PDE4D: variants seen among roughly 807,000 people sequenced by gnomAD.
PDE4D encodes the protein 3',5'-cyclic-AMP phosphodiesterase 4D.
PDE4D carries 24 observed loss-of-function variants against 87.4 expected under a neutral mutation model. That is an observed-to-expected ratio of 0.27 (90% CI 0.20 to 0.39). PDE4D has a LOEUF of 0.39. PDE4D is among the 10% of genes least tolerant of loss of function. The pLI is 1.00. For missense variants in PDE4D, 714 were observed against 1,041.0 expected (o/e 0.69, Z 4.32); for synonymous variants, 384 against 383.2 (o/e 1.00, Z -0.02).
At chr5:60,498,750 A>G (rs952015260) in intron 1 of PDE4D, among the ~76,000 whole-genome samples, 3 of 152,136 alleles carry the variant, frequency 2.0e-5, no homozygotes, top group Non-Finnish European at 4.4e-5. Context: ...TGTCTGTTCA[A>G]ATTTAGCCAA....
At chr5:60,366,964 T>G (rs1004753785) in intron 1 of PDE4D, among the ~76,000 whole-genome samples, 2 of 152,052 alleles carry the variant, frequency 1.3e-5, no homozygotes, top group Non-Finnish European at 2.9e-5. Flanking sequence ...AATAAGTGAG[T>G]GTCACACCAG....
chr5:59,338,926 T>C (rs1341494885), intron 1 of PDE4D, among the ~76,000 whole-genome samples: 2 of 152,230 alleles, frequency 1.3e-5, no homozygotes, highest in African/African-American at 2.4e-5. Context: ...GTAAGACATA[T>C]GTTATGAAAA....
intron 5 of PDE4D, among the ~76,000 whole-genome samples, chr5:59,129,884 C>T (rs1776029229): frequency 6.6e-6 from 1 of 152,106 alleles, no homozygotes; most frequent in Admixed American, 6.6e-5. Flanking sequence ...CCCTACCTTG[C>T]AGGGTTATTG....
chr5:59,919,880 G>C (rs1754479114), intron 3 of PDE4D, among the ~76,000 whole-genome samples: 1 of 152,164 alleles, frequency 6.6e-6, no homozygotes, highest in African/African-American at 2.4e-5. Flanking sequence ...GAAAGACAGA[G>C]CAGATGCTTT....
intron 1 of PDE4D, among the ~76,000 whole-genome samples, chr5:59,384,470 G>A (rs2153604622): frequency 6.6e-6 from 1 of 152,220 alleles, no homozygotes; most frequent in African/African-American, 2.4e-5. Context: ...GTCAGTTTCT[G>A]TACCAGAGTG....
chr5:59,633,568 A>T (rs1227972549), intron 1 of PDE4D, among the ~76,000 whole-genome samples: 1 of 152,202 alleles, frequency 6.6e-6, no homozygotes, highest in African/African-American at 2.4e-5. Flanking sequence ...GCCAGAAGAG[A>T]GTGGGGGCCA....
chr5:60,504,262 A>G (rs1477425840), intron 1 of PDE4D, among the ~76,000 whole-genome samples: 1 of 148,760 alleles, frequency 6.7e-6, no homozygotes, highest in Non-Finnish European at 1.5e-5. Context: ...GTCTTTATGC[A>G]TTTTTTTTTT....
At chr5:59,973,701 G>C (rs1214614858) in intron 3 of PDE4D, among the ~76,000 whole-genome samples, 1 of 152,048 alleles carries the variant, frequency 6.6e-6, no homozygotes, top group Admixed American at 6.6e-5. Context: ...TTCTTCTTAA[G>C]ACAAATGAAG....
chr5:60,266,445 C>G (rs1312004861), intron 1 of PDE4D, among the ~76,000 whole-genome samples: 3 of 152,192 alleles, frequency 2.0e-5, no homozygotes, highest in Admixed American at 2.0e-4. Flanking sequence ...TAGATAAGTG[C>G]TGGTGGGCAT....
At chr5:59,222,196 A>T (rs900715725) in intron 1 of PDE4D, among the ~76,000 whole-genome samples, 2 of 152,204 alleles carry the variant, frequency 1.3e-5, no homozygotes, top group Admixed American at 1.3e-4. Context: ...ATACAGTTCC[A>T]ATCTACCTTT....
At chr5:60,414,723 T>C (rs910906498) in intron 1 of PDE4D, among the ~76,000 whole-genome samples, 8 of 152,196 alleles carry the variant, frequency 5.3e-5, no homozygotes, top group African/African-American at 1.7e-4. Context: ...ATAAATATGG[T>C]AATAAGGAAT....
At chr5:59,535,565 C>A (rs1006258250) in intron 1 of PDE4D, among the ~76,000 whole-genome samples, 1 of 152,182 alleles carries the variant, frequency 6.6e-6, no homozygotes, top group African/African-American at 2.4e-5. Flanking sequence ...TATTTGGGCC[C>A]TGTTGTCAAC....
intron 5 of PDE4D, among the ~76,000 whole-genome samples, chr5:59,176,559 A>G (rs972498250): frequency 3.0e-5 from 3 of 99,822 alleles, no homozygotes; most frequent in Admixed American, 1.9e-4. Context: ...CTATCTCAAG[A>G]AAAAAAAAAA....
At chr5:60,401,765 T>C (rs1231412819) in intron 1 of PDE4D, among the ~76,000 whole-genome samples, 1 of 152,214 alleles carries the variant, frequency 6.6e-6, no homozygotes, top group Non-Finnish European at 1.5e-5. Flanking sequence ...ATTAATGTGC[T>C]ACTTATTACA....
At chr5:59,809,167 T>C (rs1383332441) in intron 1 of PDE4D, among the ~76,000 whole-genome samples, 4 of 152,192 alleles carry the variant, frequency 2.6e-5, no homozygotes, top group Non-Finnish European at 5.9e-5. Context: ...TGCTAATGAT[T>C]TGCCCTCATT....
intron 3 of PDE4D, chr5:59,988,339 C>A (rs1288811452): frequency 1.9e-5 from 10 of 535,400 alleles, no homozygotes; most frequent in African/African-American, 1.7e-4. Flanking sequence ...GAAATGTCAC[C>A]TGAGAAATTC....
At chr5:60,322,073 T>C (rs1338360302) in intron 1 of PDE4D, among the ~76,000 whole-genome samples, 1 of 151,932 alleles carries the variant, frequency 6.6e-6, no homozygotes, top group Non-Finnish European at 1.5e-5. Context: ...CAAAGGAATA[T>C]AAATAATTCT....
intron 1 of PDE4D, among the ~76,000 whole-genome samples, chr5:59,257,658 G>C (rs888561036): frequency 2.0e-5 from 3 of 152,000 alleles, no homozygotes; most frequent in Non-Finnish European, 4.4e-5. Context: ...TGGCAAGAGA[G>C]AATTCAGCGA....
At chr5:59,722,664 G>A (rs1756015832) in intron 1 of PDE4D, among the ~76,000 whole-genome samples, 3 of 152,046 alleles carry the variant, frequency 2.0e-5, no homozygotes, top group Admixed American at 2.0e-4. Context: ...ACCTTGTTGG[G>A]GTTTATTAAT....
Sources: gnomAD v4.1 joint callset for allele counts (sites outside exome capture counted in the v4.1 genomes callset) on GRCh38, gnomAD v4.1.1 for gene constraint, MANE v1.5 for transcripts, NCBI Gene and HGNC (gene_info 2026-07-23, HGNC 2026-07-21) for gene names.